GALNT17: variants seen among roughly 807,000 people sequenced by gnomAD.
GALNT17 encodes polypeptide N-acetylgalactosaminyltransferase 17, also known as UDP-GalNAc:polypeptide N-acetylgalactosaminyltransferase-like 3.
A neutral mutation model predicts 63.7 loss-of-function variants in GALNT17; 29 were observed. The observed-to-expected ratio is 0.46, with a 90% CI of 0.34 to 0.62. The LOEUF (loss-of-function observed/expected upper bound fraction) is 0.62. GALNT17 is among the 20% of genes least tolerant of loss of function. The probability of loss-of-function intolerance (pLI) is 0.01; values close to 1 mark genes in which losing one functional copy is unlikely to be tolerated. For synonymous variants in GALNT17, 305 were observed against 318.3 expected (o/e 0.96, Z 0.45); for missense variants, 603 against 799.6 (o/e 0.75, Z 2.97).
intron 5 of GALNT17, among the ~76,000 whole-genome samples, chr7:71,466,804 G>C (rs1246059115): frequency 6.6e-6 from 1 of 152,102 alleles, no homozygotes; most frequent in Non-Finnish European, 1.5e-5. Flanking sequence ...CTACAACCTG[G>C]AAACACCCGT....
At chr7:71,375,153 AGT>A (rs1792698021) in intron 2 of GALNT17, among the ~76,000 whole-genome samples, 2 of 152,056 alleles carry the variant, frequency 1.3e-5, no homozygotes, top group African/African-American at 4.8e-5. Flanking sequence ...AGATTTTATA[AGT>A]GGAGATAACA....
At chr7:71,312,769 C>G (rs1791433261) in intron 1 of GALNT17, among the ~76,000 whole-genome samples, 1 of 152,152 alleles carries the variant, frequency 6.6e-6, no homozygotes, top group South Asian at 2.1e-4. Flanking sequence ...CATTTTGAAG[C>G]ACAGGGAGTT....
In GALNT17 at chr7:71,157,751, A is replaced by T; in HGVS notation, c.238+24711A>T. ...GCTCGGTAGTAACAAATACATTTAT[A>T]TTCTTTTTTTCTCCACCATTCCTCC... On this transcript the variant is annotated intron_variant, in intron 1 of 10. Coordinates refer to ENST00000333538, the MANE Select transcript of GALNT17 (RefSeq NM_022479.3). 2.6e-5 allele frequency among the ~76,000 whole-genome samples: 4 copies of T among 151,944 alleles called. 1 individual carries two copies. The Middle Eastern group carries it at 0.01, about 388-fold the overall frequency.
chr7:71,554,872 C>G (rs1053092216), intron 5 of GALNT17, among the ~76,000 whole-genome samples: 4 of 152,162 alleles, frequency 2.6e-5, no homozygotes, highest in African/African-American at 9.7e-5. Flanking sequence ...CTGTGTGTGT[C>G]TGTTTTGCAT....
chr7:71,478,441 G>A (rs1460802239), intron 5 of GALNT17, among the ~76,000 whole-genome samples: 1 of 152,164 alleles, frequency 6.6e-6, no homozygotes. Context: ...AGCCTCCCAA[G>A]TAGCTGGAAC....
chr7:71,145,046 G>T (rs1787992391), intron 1 of GALNT17, among the ~76,000 whole-genome samples: 1 of 152,052 alleles, frequency 6.6e-6, no homozygotes, highest in Non-Finnish European at 1.5e-5. Context: ...GGTTTTTAAG[G>T]GGATCATGGA....
At chr7:71,282,642 T>TCCTCAGGACATCCTGAGTCCTATGG (rs1790797856) in intron 1 of GALNT17, among the ~76,000 whole-genome samples, 1 of 151,240 alleles carries the variant, frequency 6.6e-6, no homozygotes, top group Non-Finnish European at 1.5e-5. Context: ...CTGAAGAATG[T>TCCTCAGGACATCCTGAGTCCTATGG]CCTCAGGACA....
intron 1 of GALNT17, among the ~76,000 whole-genome samples, chr7:71,174,886 G>A (rs1237099041): frequency 6.6e-6 from 1 of 152,172 alleles, no homozygotes; most frequent in Non-Finnish European, 1.5e-5. Flanking sequence ...ATTGTGTCTT[G>A]CTTAGGAATT....
Position 71,437,994 on chromosome 7 carries a change from T to G in GALNT17, c.962+16889T>G, listed in dbSNP as rs533205989. ...TCCCAAAGTGCTGGGATTACAGGCATGAGCCACTGCACTTGGCAAAGAGAC... is the reference window on the plus strand; with the variant it reads ...TCCCAAAGTGCTGGGATTACAGGCAGGAGCCACTGCACTTGGCAAAGAGAC... On this transcript the variant is annotated intron_variant, in intron 5 of 10. Transcript: ENST00000333538. 2.0e-5 allele frequency among the ~76,000 whole-genome samples: 3 copies of G among 152,338 alleles called. No individual in the cohort carries two copies. In the East Asian group the frequency reaches 5.8e-4, roughly 29 times the overall value.
intron 1 of GALNT17, among the ~76,000 whole-genome samples, chr7:71,155,209 G>T (rs1048838652): frequency 6.6e-6 from 1 of 151,862 alleles, no homozygotes; most frequent in Admixed American, 6.6e-5. Context: ...TAGCACCACA[G>T]TTCCTTATAT....
chr7:71,569,522 G>A (rs1006036846), intron 5 of GALNT17, among the ~76,000 whole-genome samples: 5 of 152,044 alleles, frequency 3.3e-5, no homozygotes, highest in East Asian at 1.9e-4. Context: ...AAGTGAGAGC[G>A]AATGGTATTT....
At chr7:71,461,846 G>A (rs1182050109) in intron 5 of GALNT17, among the ~76,000 whole-genome samples, 1 of 152,196 alleles carries the variant, frequency 6.6e-6, no homozygotes, top group East Asian at 1.9e-4. Context: ...GGCCACAGAT[G>A]TCTCGACAGG....
intron 5 of GALNT17, among the ~76,000 whole-genome samples, chr7:71,519,231 G>A (rs879306551): frequency 2.6e-5 from 4 of 152,150 alleles, no homozygotes; most frequent in Non-Finnish European, 5.9e-5. Context: ...GAGAGGGGTA[G>A]GGAGGAGAGA....
chr7:71,337,294 A>G (rs1791925201), intron 2 of GALNT17, among the ~76,000 whole-genome samples: 1 of 152,090 alleles, frequency 6.6e-6, no homozygotes, highest in African/African-American at 2.4e-5. Flanking sequence ...TCATTATTAT[A>G]TATAACATTC....
chr7:71,620,514 A>G (rs1790274626), intron 6 of GALNT17, among the ~76,000 whole-genome samples: 1 of 152,224 alleles, frequency 6.6e-6, no homozygotes, highest in Non-Finnish European at 1.5e-5. Context: ...AAACTGTTTT[A>G]AAAATAAAAG....
chr7:71,505,549 A>T (rs1199652728), intron 5 of GALNT17, among the ~76,000 whole-genome samples: 3 of 152,088 alleles, frequency 2.0e-5, no homozygotes, highest in Non-Finnish European at 2.9e-5. Context: ...GCAGTGAGCC[A>T]TGATCTTGCC....
At chr7:71,471,544 C>T (rs1787632920) in intron 5 of GALNT17, among the ~76,000 whole-genome samples, 1 of 152,060 alleles carries the variant, frequency 6.6e-6, no homozygotes, top group South Asian at 2.1e-4. Context: ...AACAAAATTG[C>T]AATCACAGAC....
intron 6 of GALNT17, among the ~76,000 whole-genome samples, chr7:71,592,844 C>T (rs1789830003): frequency 6.6e-6 from 1 of 152,140 alleles, no homozygotes; most frequent in African/African-American, 2.4e-5. Context: ...ATTGTGGAAG[C>T]TCTTACTTAA....
At chr7:71,134,835 GTTTTTTTTTT>G (rs561383417) in intron 1 of GALNT17, among the ~76,000 whole-genome samples, 263 of 57,906 alleles carry the variant, frequency 4.5e-3, no homozygotes, top group East Asian at 0.011. Context: ...TTGTTTTATG[GTTTTTTTTTT>G]TTTTTTTTTT....
Sources: allele counts gnomAD v4.1 joint callset (sites outside exome capture counted in the v4.1 genomes callset), GRCh38; gene constraint gnomAD v4.1.1; transcripts MANE v1.5; gene names NCBI Gene and HGNC (gene_info 2026-07-23, HGNC 2026-07-21).